The following MYH16 variants were observed in gnomAD, a reference collection of about 807,000 sequenced individuals.
MYH16 encodes myosin heavy chain 16.
chr7:99,274,325 G>A (rs1792082931), intron 20 of MYH16, among the ~76,000 whole-genome samples: 1 of 152,222 alleles, frequency 6.6e-6, no homozygotes, highest in African/African-American at 2.4e-5. Flanking sequence ...CACCAGAAGA[G>A]GGAGTCAGGC....
chr7:99,251,779 C>T (rs953690376), intron 6 of MYH16, among the ~76,000 whole-genome samples: 2 of 152,020 alleles, frequency 1.3e-5, no homozygotes, highest in African/African-American at 4.8e-5. Flanking sequence ...AGACCAGCCT[C>T]GGCAACAGAG....
chr7:99,280,805 CA>C, intron 22 of MYH16, 70 bp from the exon 5 acceptor site: 1 of 222,328 alleles, frequency 4.5e-6, no homozygotes, highest in Non-Finnish European at 9.5e-6. Context: ...CCAGGAGACT[CA>C]AGGGTGCACC....
chr7:99,256,044 G>T (rs1791867639), intron 9 of MYH16, among the ~76,000 whole-genome samples: 1 of 151,996 alleles, frequency 6.6e-6, no homozygotes, highest in East Asian at 1.9e-4. Flanking sequence ...ACTTCTGTTA[G>T]GATTATTTGT....
At chr7:99,240,497 G>T (rs1299862020) in intron 1 of MYH16, among the ~76,000 whole-genome samples, 1 of 152,168 alleles carries the variant, frequency 6.6e-6, no homozygotes, top group Non-Finnish European at 1.5e-5. Context: ...AGAGCAATGT[G>T]TGTTCAGCAA....
At chr7:99,289,699 A>C (rs1021601931) in intron 30 of MYH16, among the ~76,000 whole-genome samples, 3 of 152,246 alleles carry the variant, frequency 2.0e-5, no homozygotes, top group Admixed American at 6.5e-5. Context: ...CATGACCCAC[A>C]TACTAATATA....
At chr7:99,244,752 AAG>A in intron 2 of MYH16, among the ~76,000 whole-genome samples, 1 of 152,222 alleles carries the variant, frequency 6.6e-6, no homozygotes, top group Non-Finnish European at 1.5e-5. Context: ...CAGGTCTAGA[AAG>A]AGCCACACCC....
At chr7:99,250,038 A>T (rs1791791857) in exon 5 of MYH16, 1 of 152,856 alleles carries the variant, frequency 6.5e-6, no homozygotes, top group South Asian at 2.1e-4. Flanking sequence ...TACTTTGCCA[A>T]CATTGGAGGA....
In MYH16 at chr7:99,291,468, G is replaced by T. The variant is rs1792374921; in HGVS notation, n.3952+18G>T. The T allele has an allele frequency of 2.2e-6, 1 of 456,122 alleles. No individual in the cohort carries two copies. 28.3% of individuals were successfully genotyped at this position (456,122 alleles called of 1,614,324 possible). ...AGTCAAAGGTTTGTTTGGACGTGGG[G>T]TTGCGGTGGAGACAGAGCTGCCGCC... On this transcript the variant is annotated intron_variant and non_coding_transcript_variant, in intron 31 of 41. Coordinates refer to ENST00000439784, the Ensembl canonical transcript of MYH16.
chr7:99,241,744 G>C (rs1287590070), intron 1 of MYH16, among the ~76,000 whole-genome samples: 1 of 152,168 alleles, frequency 6.6e-6, no homozygotes, highest in East Asian at 1.9e-4. Context: ...AGAAATCCCA[G>C]TATGGATTCA....
intron 2 of MYH16, among the ~76,000 whole-genome samples, chr7:99,246,775 G>A (rs1225794597): frequency 1.3e-5 from 2 of 151,924 alleles, no homozygotes; most frequent in Non-Finnish European, 2.9e-5. Flanking sequence ...TGTGGTGAGG[G>A]TGGGGGTGGG....
chr7:99,285,834 A>C (rs1792269298), intron 27 of MYH16, among the ~76,000 whole-genome samples: 1 of 152,246 alleles, frequency 6.6e-6, no homozygotes, highest in African/African-American at 2.4e-5. Flanking sequence ...AGAGCAGAGC[A>C]TGGAGGGAGG....
chr7:99,308,564 A>G (rs1389369326), downstream of MYH16, among the ~76,000 whole-genome samples: 1 of 152,062 alleles, frequency 6.6e-6, no homozygotes, highest in Admixed American at 6.6e-5. Flanking sequence ...ATCCCAAAAC[A>G]TGGTCCCGGG....
chr7:99,268,392 G>C (rs545053719), intron 18 of MYH16, among the ~76,000 whole-genome samples: 1 of 152,216 alleles, frequency 6.6e-6, no homozygotes, highest in Non-Finnish European at 1.5e-5. Context: ...TTCACAGAAC[G>C]AAGCGGGACA....
chr7:99,262,702 T>C (rs980883361), intron 13 of MYH16, among the ~76,000 whole-genome samples: 1 of 152,152 alleles, frequency 6.6e-6, no homozygotes, highest in African/African-American at 2.4e-5. Context: ...ATGGGGACCA[T>C]GTGGCAAGAT....
At chr7:99,263,183 T>G (rs1196640045) in intron 13 of MYH16, among the ~76,000 whole-genome samples, 1 of 152,064 alleles carries the variant, frequency 6.6e-6, no homozygotes, top group Non-Finnish European at 1.5e-5. Flanking sequence ...AGGAGAGTCA[T>G]GAGGACAAGA....
intron 39 of MYH16, among the ~76,000 whole-genome samples, chr7:99,303,727 A>G (rs1017411204): frequency 6.6e-6 from 1 of 152,198 alleles, no homozygotes; most frequent in Non-Finnish European, 1.5e-5. Flanking sequence ...ACCTGAACCC[A>G]GGAGTTTGAG....
At position 99,271,741 on chromosome 7, in the gene MYH16, C is replaced by A. The variant is rs541272340; in HGVS notation, n.2403+648C>A. On this transcript the variant is annotated intron_variant and non_coding_transcript_variant, in intron 19 of 41. Transcript: ENST00000439784. ...GGGGGATGGGGTCTTGCTCTGTAGC[C>A]CAGGCTGGAGTACAGTGGTGCGATC... 2.6e-5 allele frequency among the ~76,000 whole-genome samples: 4 copies of A among 152,168 alleles called. No individual in the cohort carries two copies. The East Asian group carries it at 7.7e-4, about 29-fold the overall frequency.
intron 18 of MYH16, among the ~76,000 whole-genome samples, chr7:99,270,408 G>A (rs1205010271): frequency 2.0e-5 from 3 of 148,666 alleles, no homozygotes; most frequent in African/African-American, 7.4e-5. Context: ...TACAAGCTCC[G>A]CCTCCCGGGT....
chr7:99,279,354 G>A (rs537084140), intron 21 of MYH16, among the ~76,000 whole-genome samples, 156 bp from the exon 4 acceptor site: 3 of 96,618 alleles, frequency 3.1e-5, no homozygotes, highest in Non-Finnish European at 5.9e-5. Context: ...GCAAAACCCT[G>A]ACTCAAAAAA....
Sources: allele counts gnomAD v4.1 joint callset (sites outside exome capture counted in the v4.1 genomes callset), GRCh38; gene constraint gnomAD v4.1.1; transcripts MANE v1.5; gene names NCBI Gene and HGNC (gene_info 2026-07-23, HGNC 2026-07-21).